PHF21B: variants seen among roughly 807,000 people sequenced by gnomAD.
The protein encoded by PHF21B is PHD finger protein 4.
A neutral mutation model predicts 62.2 loss-of-function variants in PHF21B; 22 were observed. That is an observed-to-expected ratio of 0.35 (90% CI 0.25 to 0.51). The LOEUF is 0.51. PHF21B is among the 20% of genes least tolerant of loss of function. The probability of loss-of-function intolerance (pLI) is 0.97; values close to 1 mark genes in which losing one functional copy is unlikely to be tolerated. For missense variants in PHF21B, 701 were observed against 707.9 expected, an observed-to-expected ratio of 0.99 and a Z score of 0.11; for synonymous variants, 341 against 314.7, an observed-to-expected ratio of 1.08 and a Z score of -0.88.
At position 44,883,206 on chromosome 22, in the gene PHF21B, C is replaced by T; in HGVS notation, c.1476G>A (p.Glu492=). ...LRALLRLIQG[E]QLLQVTMTTT... is the part of the protein sequence containing the mutation. ...TCGTCATGGTGACCTGGAGCAGCTG[C>T]TCGCCCTGTATCAGTCTCAGGAGGG... Residue 492 remains glutamate, a synonymous_variant, in exon 13 of 13, where the codon GAG becomes GAA. Coordinates refer to ENST00000313237, the MANE Select transcript of PHF21B (RefSeq NM_138415.5). The T allele has an allele frequency of 6.2e-7, 1 of 1,613,778 alleles. No individual in the cohort carries two copies. Among genetic ancestry groups the T allele is most frequent in the Non-Finnish European group, 8.5e-7 (1 of 1,179,986 alleles).
intron 2 of PHF21B, among the ~76,000 whole-genome samples, chr22:44,978,447 C>T (rs1295767761): frequency 2.6e-5 from 4 of 152,248 alleles, no homozygotes; most frequent in African/African-American, 9.6e-5. Context: ...GCCACCTCCG[C>T]TTCCCGGGTT....
chr22:44,973,183 C>A (rs550480704), intron 2 of PHF21B, among the ~76,000 whole-genome samples: 6 of 152,220 alleles, frequency 3.9e-5, no homozygotes, highest in African/African-American at 1.4e-4. Context: ...GGTCCTCAGG[C>A]CCCAGTCAGA....
At position 45,009,265 on chromosome 22, in the gene PHF21B, G is replaced by A; in HGVS notation, c.54+231C>T. The A allele has an allele frequency of 1.8e-6, 1 of 550,056 alleles. No individual in the cohort carries two copies. The highest frequency in any genetic ancestry group is 2.0e-5 in the African/African-American group (1 of 49,584). The allele number at this position is 550,056 out of a possible 1,614,324, so 34.1% of individuals were successfully genotyped here. On this transcript the variant is annotated intron_variant, in intron 1 of 12. Transcript: ENST00000313237. This position sits in a 1 kb window ranked among gnomAD's most constrained non-coding sequence, Gnocchi z 5.9. ...CGCTTAAGAGAAGACTCCAGGCTCG[G>A]GTCCCACGCGTCCTCGATCCCGCAA...
At chr22:44,894,998 C>T (rs761851677) in intron 6 of PHF21B, among the ~76,000 whole-genome samples, 2 of 152,226 alleles carry the variant, frequency 1.3e-5, no homozygotes, top group East Asian at 1.9e-4. Context: ...GCTAGTGCCT[C>T]GGGCACCGCG....
intron 2 of PHF21B, among the ~76,000 whole-genome samples, chr22:44,946,515 A>AGGGTGGACGGATGGT (rs1266405377): frequency 2.0e-5 from 3 of 152,012 alleles, no homozygotes; most frequent in Non-Finnish European, 2.9e-5. Context: ...GATGGATGAA[A>AGGGTGGACGGATGGT]GGGTGGACGG....
At chr22:44,993,162 T>C (rs911319208) in intron 2 of PHF21B, among the ~76,000 whole-genome samples, 4 of 152,310 alleles carry the variant, frequency 2.6e-5, no homozygotes, top group African/African-American at 9.6e-5. Context: ...CTCACTGGGA[T>C]TCCTGGCAGG....
chr22:44,992,145 A>G (rs2073051711), intron 2 of PHF21B, among the ~76,000 whole-genome samples: 1 of 152,240 alleles, frequency 6.6e-6, no homozygotes. Context: ...TTCAGCAGAA[A>G]TTCAGTTCTG....
intron 2 of PHF21B, among the ~76,000 whole-genome samples, chr22:44,973,522 G>A (rs886483297): frequency 2.0e-5 from 3 of 152,144 alleles, no homozygotes; most frequent in East Asian, 1.9e-4. Flanking sequence ...CAACTTCAGC[G>A]AACTGCTCAA....
At chr22:44,923,394 C>G (rs947902684) in intron 2 of PHF21B, among the ~76,000 whole-genome samples, 2 of 147,728 alleles carry the variant, frequency 1.4e-5, no homozygotes, top group African/African-American at 5.0e-5. Context: ...AACTATAAAA[C>G]TGCTCGAACA....
At chr22:44,949,402 T>C (rs892730883) in intron 2 of PHF21B, among the ~76,000 whole-genome samples, 1 of 151,634 alleles carries the variant, frequency 6.6e-6, no homozygotes, top group Non-Finnish European at 1.5e-5. Flanking sequence ...TTTCAAAATC[T>C]CTGCTAATGT....
intron 2 of PHF21B, among the ~76,000 whole-genome samples, chr22:44,947,464 C>G (rs2072097846): frequency 6.6e-6 from 1 of 152,226 alleles, no homozygotes; most frequent in South Asian, 2.1e-4. Flanking sequence ...CCCTATAGAA[C>G]CTCTCAGCCA....
chr22:44,977,103 G>C (rs1189923819), intron 2 of PHF21B, among the ~76,000 whole-genome samples: 1 of 151,998 alleles, frequency 6.6e-6, no homozygotes, highest in Non-Finnish European at 1.5e-5. Context: ...CTGGATGACA[G>C]AATGACACCC....
At chr22:44,902,309 CA>C in intron 5 of PHF21B, 3 of 313,740 alleles carry the variant, frequency 9.6e-6, no homozygotes, top group Non-Finnish European at 6.3e-6. Flanking sequence ...GGTTGATCAT[CA>C]AAAAGCTGTG....
intron 2 of PHF21B, among the ~76,000 whole-genome samples, chr22:44,950,159 T>G (rs1203145715): frequency 6.6e-6 from 1 of 152,222 alleles, no homozygotes; most frequent in African/African-American, 2.4e-5. Flanking sequence ...TGGTGTGGGT[T>G]GGCAACAGAA....
At chr22:44,918,459 T>C (rs1464767511) in intron 3 of PHF21B, among the ~76,000 whole-genome samples, 1 of 152,132 alleles carries the variant, frequency 6.6e-6, no homozygotes, top group African/African-American at 2.4e-5. Flanking sequence ...TCAGGGGACC[T>C]TGGAGCTTAT....
intron 2 of PHF21B, among the ~76,000 whole-genome samples, chr22:44,983,916 C>G (rs1642262688): frequency 6.6e-6 from 1 of 151,774 alleles, no homozygotes; most frequent in South Asian, 2.1e-4. Context: ...ATTCCATGCC[C>G]AAGTATTCAA....
At chr22:45,007,104 G>T (rs1019735504) in intron 2 of PHF21B, among the ~76,000 whole-genome samples, 2 of 148,416 alleles carry the variant, frequency 1.3e-5, no homozygotes, top group Admixed American at 6.7e-5. Context: ...GGCCGGGGGC[G>T]GGGGGGCCGC....
chr22:44,966,470 T>C (rs2072528185), intron 2 of PHF21B, among the ~76,000 whole-genome samples: 1 of 152,102 alleles, frequency 6.6e-6, no homozygotes, highest in South Asian at 2.1e-4. Flanking sequence ...CACTGCAGCG[T>C]CCCTGTGAAA....
intron 2 of PHF21B, among the ~76,000 whole-genome samples, chr22:44,975,811 G>C (rs2072727802): frequency 6.6e-6 from 1 of 152,276 alleles, no homozygotes; most frequent in Admixed American, 6.5e-5. Context: ...TCGCCCAGGA[G>C]AGGGCGCTGG....
Sources: gnomAD v4.1 joint callset for allele counts (sites outside exome capture counted in the v4.1 genomes callset) on GRCh38, gnomAD v4.1.1 for gene constraint, Gnocchi (gnomAD v3.1) non-coding constraint, MANE v1.5 for transcripts, NCBI Gene and HGNC (gene_info 2026-07-23, HGNC 2026-07-21) for gene names.